The following TCN1 variants were observed in gnomAD, a reference collection of about 807,000 sequenced individuals.
The protein encoded by TCN1 is transcobalamin-1.
A neutral mutation model predicts 46.3 loss-of-function variants in TCN1; 47 were observed. The ratio of observed to expected loss-of-function variants is 1.01; its 90% CI spans 0.80 to 1.29. TCN1 has a LOEUF of 1.29. Among genes scored for constraint, TCN1 ranks in the 50% most tolerant of loss-of-function variants. TCN1 has a pLI of 0.00. For synonymous variants in TCN1, 183 were observed against 192.5 expected (o/e 0.95, Z 0.41); for missense variants, 532 against 511.0 (o/e 1.04, Z -0.40).
intron 5 of TCN1, among the ~76,000 whole-genome samples, chr11:59,857,045 C>T (rs1337595098): frequency 6.6e-6 from 1 of 152,000 alleles, no homozygotes; most frequent in Non-Finnish European, 1.5e-5. Context: ...GGTTCTTAAG[C>T]TAACCAAGTT....
In TCN1 at chr11:59,852,949, A is replaced by G. The variant is rs1866683041; in HGVS notation, c.*26T>C. 6.2e-7 allele frequency: 1 copy of G among 1,608,902 alleles called. No homozygotes were observed. Among genetic ancestry groups the G allele is most frequent in the Non-Finnish European group, 8.5e-7 (1 of 1,175,316 alleles). ...TGGAACTCCACTGCAAATGGATTTT[A>G]TGCAGCTGAGGAAAGTTTGGGCTTA... is the stretch of plus-strand genomic sequence containing the variant. On this transcript the variant is annotated 3_prime_UTR_variant, in exon 9 of 9. Coordinates refer to ENST00000257264, the MANE Select transcript of TCN1 (RefSeq NM_001062.4).
chr11:59,859,268 C>G lies in TCN1; in HGVS notation c.557-1G>C. 1 of 1,613,292 alleles carries G rather than the reference C, an allele frequency of 6.2e-7. No individual in the cohort carries two copies. Among genetic ancestry groups the G allele is most frequent in the Non-Finnish European group, 8.5e-7 (1 of 1,180,038 alleles). On this transcript the variant is annotated splice_acceptor_variant, in intron 4 of 8. Transcript: ENST00000257264. LOFTEE classifies it high-confidence loss of function. ...GCCAGGACAGCCATTGCACCAGTAT[C>G]TGTCAGGAAACAAAACATTGTTGAT...
chr11:59,853,923 A>AGACATTAATTTACTACCTATTATG (rs1565213142), intron 7 of TCN1, among the ~76,000 whole-genome samples: 1 of 151,832 alleles, frequency 6.6e-6, no homozygotes, highest in African/African-American at 2.4e-5. Flanking sequence ...GTTGTTAGAT[A>AGACATTAATTTACTACCTATTATG]TGATAAATAA....
intron 4 of TCN1, among the ~76,000 whole-genome samples, chr11:59,860,859 A>C (rs779449241): frequency 6.6e-6 from 1 of 152,218 alleles, no homozygotes; most frequent in Admixed American, 6.5e-5. Context: ...CATTCTCCTT[A>C]CTATCCAGAA....
In TCN1 at chr11:59,858,177, C is replaced by T. The variant is rs115169051; in HGVS notation, c.747+900G>A. On this transcript the variant is annotated intron_variant, in intron 5 of 8. Transcript: ENST00000257264. ...ATTAAGTAAATACGGGTTACTTGAACACATGCACTTCAATGTTGGGACAGT... is the reference window on the plus strand; with the variant it reads ...ATTAAGTAAATACGGGTTACTTGAATACATGCACTTCAATGTTGGGACAGT... Among the ~76,000 whole-genome samples, 740 of 152,256 alleles carry T rather than the reference C, an allele frequency of 4.9e-3. 7 individuals carry two copies. The highest frequency in any genetic ancestry group is 0.017 in the African/African-American group (703 of 41,524).
At chr11:59,856,314 G>A (rs1349428452) in intron 5 of TCN1, among the ~76,000 whole-genome samples, 1 of 152,146 alleles carries the variant, frequency 6.6e-6, no homozygotes, top group African/African-American at 2.4e-5. Flanking sequence ...TTCCAATGAA[G>A]GCAGACTTTG....
Position 59,858,550 on chromosome 11 carries a change from G to C in TCN1, c.747+527C>G, listed in dbSNP as rs188046938. ...AAGCTTCCTAGAAGCATTGGCTATGGGGAAGTAAAGCTGAAGATGAGAAGA... is the reference window on the plus strand; with the variant it reads ...AAGCTTCCTAGAAGCATTGGCTATGCGGAAGTAAAGCTGAAGATGAGAAGA... On this transcript the variant is annotated intron_variant, in intron 5 of 8. Transcript: ENST00000257264. Among the ~76,000 whole-genome samples the C allele has an allele frequency of 1.5e-3, 233 of 152,310 alleles. 1 individual carries two copies. Among genetic ancestry groups the C allele is most frequent in the African/African-American group, 5.3e-3 (220 of 41,558 alleles).
At chr11:59,861,972 G>A (rs1853019585) in intron 3 of TCN1, among the ~76,000 whole-genome samples, 1 of 152,142 alleles carries the variant, frequency 6.6e-6, no homozygotes, top group South Asian at 2.1e-4. Context: ...CAGAATACAG[G>A]TTTTCAACCT....
intron 4 of TCN1, 118 bp from the exon 5 acceptor site, chr11:59,859,385 T>C: frequency 9.3e-7 from 1 of 1,080,108 alleles, no homozygotes; most frequent in Non-Finnish European, 1.4e-6. Context: ...CTAGAAAAAC[T>C]GGGATGGTTG....
chr11:59,854,910 C>A (rs1852914435), intron 6 of TCN1, 75 bp from the exon 7 acceptor site: 10 of 1,532,354 alleles, frequency 6.5e-6, no homozygotes, highest in Non-Finnish European at 9.0e-6. Flanking sequence ...ACCTACTCAA[C>A]CCCTATCCAA....
intron 5 of TCN1, among the ~76,000 whole-genome samples, chr11:59,856,508 A>AG (rs1364537125): frequency 6.6e-6 from 1 of 151,906 alleles, no homozygotes; most frequent in Non-Finnish European, 1.5e-5. Flanking sequence ...AAAAAAAAAA[A>AG]GCTTCCTGGA....
rs374026621 is a variant in TCN1 at position 59,864,020 on chromosome 11, T to C, written c.146A>G (p.Asn49Ser). Reference sequence around the variant, plus strand: ...AACATTGACAGCGCTGGTTCCCCTGTTATAGTTTGACTGGATCATTGTATT... The same window carrying C: ...AACATTGACAGCGCTGGTTCCCCTGCTATAGTTTGACTGGATCATTGTATT... ...LLNTMIQSNY[N>S]RGTSAVNVVL... The change falls in exon 2 of 9, where the codon AAC becomes AGC. Residue 49 changes from asparagine (N) to serine (S), a missense_variant. Transcript: ENST00000257264. 6.2e-7 allele frequency: 1 copy of C among 1,613,980 alleles called. No individual in the cohort carries two copies. Among genetic ancestry groups the C allele is most frequent in the Non-Finnish European group, 8.5e-7 (1 of 1,179,842 alleles).
At chr11:59,859,820 C>A (rs1852997949) in intron 4 of TCN1, among the ~76,000 whole-genome samples, 1 of 152,132 alleles carries the variant, frequency 6.6e-6, no homozygotes, top group South Asian at 2.1e-4. Context: ...GGTCAATGCT[C>A]AGCTGAACAT....
chr11:59,858,996 C>T, intron 5 of TCN1, 81 bp downstream of exon 5: 1 of 1,489,900 alleles, frequency 6.7e-7, no homozygotes, highest in Admixed American at 1.7e-5. Flanking sequence ...AAGAGCGAAG[C>T]TCCATCTTAA....
chr11:59,864,112 G>A (rs772742292), intron 1 of TCN1, 26 bp from the exon 2 acceptor site: 10 of 1,610,818 alleles, frequency 6.2e-6, no homozygotes, highest in Non-Finnish European at 8.5e-6. Flanking sequence ...AAGGAAATAA[G>A]AAACACATAC....
chr11:59,866,387 CT>C lies in TCN1; in HGVS notation c.79+4del. 6.2e-7 allele frequency: 1 copy of C among 1,613,214 alleles called. No homozygotes were observed. Among genetic ancestry groups the C allele is most frequent in the Non-Finnish European group, 8.5e-7 (1 of 1,179,322 alleles). ...TAGAGTAATTTTAGCTCAAAGTTTA[CT>C]CACCACAAATCTCGCATAGTTGGCT... On this transcript the variant is annotated splice_donor_region_variant and intron_variant, in intron 1 of 8. Transcript: ENST00000257264.
Position 59,861,713 on chromosome 11 carries a change from C to T in TCN1, c.401-31G>A, listed in dbSNP as rs780041509. On this transcript the variant is annotated intron_variant, in intron 3 of 8. Transcript: ENST00000257264. Reference sequence around the variant, plus strand: ...AAAGAGAAGAAATACCTCCCTTAATCATGGAAGTGGTAATGGCGTATGCAT... The same window carrying T: ...AAAGAGAAGAAATACCTCCCTTAATTATGGAAGTGGTAATGGCGTATGCAT... 7 of 1,609,990 alleles carry T rather than the reference C, an allele frequency of 4.3e-6. No homozygotes were observed. The East Asian group carries it at 1.6e-4, about 36-fold the overall frequency.
At position 59,855,944 on chromosome 11, in the gene TCN1, C is replaced by T. The variant is rs1441478263; in HGVS notation, c.862G>A (p.Ala288Thr). ...QGAFSNPNAA[A>T]QVLPALMGKT... ...CCCATCAGGGCAGGTAAGACCTGGG[C>T]TGCAGCGTTTGGATTGCTGAATGCT... Residue 288 changes from alanine to threonine, a missense_variant, in exon 6 of 9, where the codon GCC becomes ACC. Physicochemically the swap from Ala to Thr is moderately conservative, Grantham distance 58. Transcript: ENST00000257264. The T allele has an allele frequency of 6.2e-7, 1 of 1,613,712 alleles. No homozygotes were observed. The highest frequency in any genetic ancestry group is 1.7e-5 in the Admixed American group (1 of 59,980).
chr11:59,862,907 A>G (rs908564162), intron 2 of TCN1, among the ~76,000 whole-genome samples, 185 bp from the exon 3 acceptor site: 2 of 152,294 alleles, frequency 1.3e-5, no homozygotes, highest in East Asian at 1.9e-4. Context: ...TCATTGTGCA[A>G]ACATCACAGA....
Sources: allele counts gnomAD v4.1 joint callset (sites outside exome capture counted in the v4.1 genomes callset), GRCh38; gene constraint gnomAD v4.1.1; transcripts MANE v1.5; gene names NCBI Gene and HGNC (gene_info 2026-07-23, HGNC 2026-07-21).